Variants in MBTD1 observed in about 807,000 individuals in gnomAD.
MBTD1 encodes the protein MBT domain-containing protein 1.
In MBTD1, 24 loss-of-function variants were observed where a neutral mutation model predicts 87.8. The ratio of observed to expected loss-of-function variants is 0.27; its 90% confidence interval spans 0.20 to 0.38. The LOEUF (loss-of-function observed/expected upper bound fraction) is 0.38. Ranked by LOEUF, MBTD1 falls within the 10% of genes least tolerant of loss-of-function variation. MBTD1 has a pLI of 1.00. For missense variants in MBTD1, 436 were observed against 760.2 expected (o/e 0.57, Z 5.02); for synonymous variants, 237 against 248.6 (o/e 0.95, Z 0.44).
chr17:51,180,871 G>A (rs1598266025), intron 16 of MBTD1, among the ~76,000 whole-genome samples, 177 bp from the exon 17 acceptor site: 1 of 152,318 alleles, frequency 6.6e-6, no homozygotes, highest in East Asian at 1.9e-4. Flanking sequence ...ACAGTACTGT[G>A]TAATGGACAT....
At chr17:51,214,875 G>A (rs2052476662) in intron 6 of MBTD1, among the ~76,000 whole-genome samples, 1 of 152,262 alleles carries the variant, frequency 6.6e-6, no homozygotes, top group South Asian at 2.1e-4. Flanking sequence ...AGTAGCTCCT[G>A]ACTATAGGTT....
Position 51,195,257 on chromosome 17 carries a change from G to A in MBTD1, c.1329C>T (p.Val443=), listed in dbSNP as rs778542354. 7.4e-6 allele frequency: 12 copies of A among 1,613,270 alleles called. No homozygotes were observed. In the Admixed American group the frequency reaches 1.0e-4, roughly 13 times the overall value. Residue 443 remains valine, a synonymous_variant, in exon 13 of 17, where the codon GTC becomes GTT. Coordinates refer to ENST00000586178, the MANE Select transcript of MBTD1 (RefSeq NM_017643.3). Reference sequence around the variant, plus strand: ...CAATCATGTTAATTTCACAGAAACCGACAGGGAAAATAGAAGGAGAGGTTG... The same window carrying A: ...CAATCATGTTAATTTCACAGAAACCAACAGGGAAAATAGAAGGAGAGGTTG... ...YHATSPSIFP[V]GFCEINMIEL...
At chr17:51,260,594 G>C (rs78803387), upstream of MBTD1, 3 of 1,612,426 alleles carry the variant, frequency 1.9e-6, no homozygotes, top group East Asian at 4.5e-5. Context: ...GATGCCGCCG[G>C]AGCGGAGGAG....
intron 16 of MBTD1, among the ~76,000 whole-genome samples, chr17:51,190,388 T>C (rs954306968): frequency 1.3e-5 from 2 of 152,002 alleles, no homozygotes; most frequent in Admixed American, 6.6e-5. Flanking sequence ...ATTACAGGCA[T>C]GAGCCACCGC....
rs1383611514 is a variant in MBTD1 at position 51,179,518 on chromosome 17, A to ATTTATATT, written c.*1057_*1058insAATATAAA. On this transcript the variant is annotated 3_prime_UTR_variant, in exon 17 of 17. Transcript: ENST00000586178. The stretch of plus-strand genomic sequence containing the variant: ...TATATATATATATATATATATATAT[A>ATTTATATT]TATATATATATATATATATGGAATT... 9.9e-6 allele frequency: 1 copy of ATTTATATT among 100,624 alleles called. No homozygotes were observed. Among genetic ancestry groups the ATTTATATT allele is most frequent in the African/African-American group, 3.6e-5 (1 of 28,140 alleles). The allele number at this position is 100,624 out of a possible 1,614,324, so 6.2% of individuals were successfully genotyped here. A position where few individuals can be genotyped will look rare whatever the true frequency, so the allele number is the denominator to read the frequency against.
chr17:51,210,952 C>G (rs753350277), intron 6 of MBTD1, among the ~76,000 whole-genome samples: 3 of 151,370 alleles, frequency 2.0e-5, no homozygotes, highest in Non-Finnish European at 4.4e-5. Flanking sequence ...GCCTGACCAA[C>G]AAGGTGAAAC....
At chr17:51,224,987 G>A in intron 3 of MBTD1, 21 bp downstream of exon 3, 3 of 1,489,688 alleles carry the variant, frequency 2.0e-6, no homozygotes, top group Non-Finnish European at 2.7e-6. Context: ...TGTAGAACAG[G>A]TGAAGGTTAT....
intron 6 of MBTD1, among the ~76,000 whole-genome samples, chr17:51,210,428 T>C (rs1387260335): frequency 2.0e-5 from 3 of 152,074 alleles, no homozygotes; most frequent in Non-Finnish European, 4.4e-5. Context: ...GATAATGCTA[T>C]GTATATGTAA....
chr17:51,260,779 G>C, upstream of MBTD1: 2 of 1,578,698 alleles, frequency 1.3e-6, no homozygotes, highest in Non-Finnish European at 1.7e-6. Flanking sequence ...CAGTCGCGGC[G>C]GCGGAGGAAG....
intron 2 of MBTD1, among the ~76,000 whole-genome samples, chr17:51,235,135 G>GC (rs2053760813): frequency 7.8e-6 from 1 of 128,730 alleles, no homozygotes; most frequent in Admixed American, 7.9e-5. Context: ...AATATAGGAT[G>GC]CAATTTTTTT....
chr17:51,214,655 T>A (rs2052464055), intron 6 of MBTD1, among the ~76,000 whole-genome samples: 1 of 152,142 alleles, frequency 6.6e-6, no homozygotes, highest in African/African-American at 2.4e-5. Flanking sequence ...CGCTTCCGTG[T>A]TACATGTTAC....
intron 13 of MBTD1, 123 bp downstream of exon 13, chr17:51,195,091 T>C: frequency 2.8e-6 from 2 of 722,994 alleles, no homozygotes; most frequent in South Asian, 4.9e-5. Context: ...TGTATGTATA[T>C]GTTTATCCAC....
chr17:51,241,417 G>A (rs1435915530), intron 2 of MBTD1, among the ~76,000 whole-genome samples: 2 of 152,210 alleles, frequency 1.3e-5, no homozygotes, highest in East Asian at 3.9e-4. Flanking sequence ...CAAGATTTAG[G>A]ATCCAATGAT....
chr17:51,237,197 G>A (rs2053891264), intron 2 of MBTD1, among the ~76,000 whole-genome samples: 1 of 150,696 alleles, frequency 6.6e-6, no homozygotes, highest in African/African-American at 2.4e-5. Flanking sequence ...TCGGGAGGCT[G>A]AGGTGGAAGA....
intron 1 of MBTD1, 87 bp from the exon 2 acceptor site, chr17:51,259,293 T>C: frequency 8.1e-7 from 1 of 1,228,938 alleles, no homozygotes; most frequent in South Asian, 4.1e-5. Flanking sequence ...ATATGCAGCC[T>C]TGGAGGCTGC....
At chr17:51,260,304 A>C, upstream of MBTD1, 1 of 521,032 alleles carries the variant, frequency 1.9e-6, no homozygotes, top group Non-Finnish European at 3.4e-6. Context: ...TCCTTTCAAT[A>C]TGTTGCAGCT....
intron 16 of MBTD1, chr17:51,186,389 G>C (rs963562091): frequency 1.3e-5 from 2 of 151,818 alleles, no homozygotes; most frequent in Non-Finnish European, 2.9e-5. Flanking sequence ...TGTGTGTTGG[G>C]GGAGATTGTT....
At chr17:51,219,087 C>T in intron 4 of MBTD1, 43 bp from the exon 5 acceptor site, 1 of 979,670 alleles carries the variant, frequency 1.0e-6, no homozygotes, top group Admixed American at 2.0e-5. Flanking sequence ...TTTTTCATCC[C>T]CTCACCACCA....
At chr17:51,211,424 C>T (rs2052205281) in intron 6 of MBTD1, among the ~76,000 whole-genome samples, 1 of 151,074 alleles carries the variant, frequency 6.6e-6, no homozygotes, top group Non-Finnish European at 1.5e-5. Flanking sequence ...GGAGAGTCAC[C>T]TGAGCCCAAG....
Sources: allele counts gnomAD v4.1 joint callset (sites outside exome capture counted in the v4.1 genomes callset), GRCh38; gene constraint gnomAD v4.1.1; transcripts MANE v1.5; gene names NCBI Gene and HGNC (gene_info 2026-07-23, HGNC 2026-07-21).